The following CYP3A43 variants were observed in gnomAD, a reference collection of about 807,000 sequenced individuals.
CYP3A43 encodes cytochrome P450 family 3 subfamily A member 43, also known as cytochrome P450 3A43.
A neutral mutation model predicts 58.0 loss-of-function variants in CYP3A43; 45 were observed. The observed-to-expected ratio is 0.78, with a 90% CI of 0.61 to 0.99. CYP3A43 has a LOEUF of 0.99. CYP3A43 is among the 50% of genes least tolerant of loss of function. The pLI, the probability that CYP3A43 is intolerant of heterozygous loss-of-function variation, is 0.00. For missense variants in CYP3A43, 593 were observed against 591.9 expected, an observed-to-expected ratio of 1.00 and a Z score of -0.02; for synonymous variants, 191 against 201.4, an observed-to-expected ratio of 0.95 and a Z score of 0.44.
chr7:99,828,860 C>A (rs1484017562), intron 1 of CYP3A43, among the ~76,000 whole-genome samples: 1 of 152,142 alleles, frequency 6.6e-6, no homozygotes, highest in East Asian at 1.9e-4. Flanking sequence ...TGTCTTGAGC[C>A]TCTCCAAATA....
intron 9 of CYP3A43, among the ~76,000 whole-genome samples, chr7:99,858,660 G>GTATTATTAT (rs150747464): frequency 9.1e-5 from 13 of 142,264 alleles, no homozygotes; most frequent in East Asian, 2.1e-4. Flanking sequence ...TCTTCCTGCT[G>GTATTATTAT]TATTATTATT....
chr7:99,842,722 T>A (rs1817384242), intron 3 of CYP3A43, among the ~76,000 whole-genome samples: 1 of 152,230 alleles, frequency 6.6e-6, no homozygotes, highest in South Asian at 2.1e-4. Flanking sequence ...TTAGTTCAAA[T>A]CATATAGCTG....
chr7:99,833,954 G>A (rs1480685615), intron 1 of CYP3A43, among the ~76,000 whole-genome samples: 1 of 152,168 alleles, frequency 6.6e-6, no homozygotes, highest in Non-Finnish European at 1.5e-5. Context: ...CTCCAAATAA[G>A]GAATCCAGGG....
intron 7 of CYP3A43, among the ~76,000 whole-genome samples, chr7:99,853,370 A>T (rs1030142794): frequency 6.6e-6 from 1 of 152,208 alleles, no homozygotes; most frequent in African/African-American, 2.4e-5. Flanking sequence ...TATCTAATTT[A>T]TACAATTGTT....
At chr7:99,830,236 G>A (rs1178140160) in intron 1 of CYP3A43, among the ~76,000 whole-genome samples, 5 of 152,140 alleles carry the variant, frequency 3.3e-5, no homozygotes, top group Non-Finnish European at 7.3e-5. Flanking sequence ...ATCTTAGCAG[G>A]GCCAGGCATG....
chr7:99,829,211 C>T (rs1816743742), intron 1 of CYP3A43, among the ~76,000 whole-genome samples: 1 of 152,184 alleles, frequency 6.6e-6, no homozygotes, highest in African/African-American at 2.4e-5. Context: ...CAACAGAGCC[C>T]ATTCATCAAG....
At chr7:99,846,387 C>A (rs945861128) in intron 4 of CYP3A43, among the ~76,000 whole-genome samples, 1 of 152,134 alleles carries the variant, frequency 6.6e-6, no homozygotes, top group Non-Finnish European at 1.5e-5. Flanking sequence ...TTCAGATAGT[C>A]ATTGTTATGG....
intron 1 of CYP3A43, among the ~76,000 whole-genome samples, chr7:99,830,510 C>T (rs964429139): frequency 6.6e-6 from 1 of 151,494 alleles, no homozygotes; most frequent in Non-Finnish European, 1.5e-5. Context: ...AAGAGCAAAA[C>T]TTAGTCTAAA....
Position 99,855,793 on chromosome 7 carries a change from G to C in CYP3A43, c.798+75G>C. 4 of 1,465,826 alleles carry C rather than the reference G, an allele frequency of 2.7e-6. No individual in the cohort carries two copies. In the East Asian group the frequency reaches 7.5e-5, roughly 27 times the overall value. The allele number at this position is 1,465,826 out of a possible 1,614,324, so 90.8% of individuals were successfully genotyped here. Reference sequence around the variant, plus strand: ...TTTGGGCTGTTTACATACGATTTGTGCACTTATCTGTGTTTTTTAAAGGCA... The same window carrying C: ...TTTGGGCTGTTTACATACGATTTGTCCACTTATCTGTGTTTTTTAAAGGCA... On this transcript the variant is annotated intron_variant, in intron 8 of 12. Transcript: ENST00000354829.
In CYP3A43 at chr7:99,844,125, C is replaced by T. The variant is rs757580967; in HGVS notation, c.219-18C>T. 1 of 1,601,770 alleles carries T rather than the reference C, an allele frequency of 6.2e-7. No homozygotes were observed. Among genetic ancestry groups the T allele is most frequent in the Non-Finnish European group, 8.5e-7 (1 of 1,174,038 alleles). ...TCAGGCAAGCGAGGTTTAGTCAGCT[C>T]TGTTTTCCCCCACACAGGCTGTATG... On this transcript the variant is annotated intron_variant, in intron 3 of 12. Transcript: ENST00000354829.
intron 7 of CYP3A43, among the ~76,000 whole-genome samples, chr7:99,854,235 T>A (rs1454565411): frequency 6.6e-6 from 1 of 151,684 alleles, no homozygotes; most frequent in Non-Finnish European, 1.5e-5. Context: ...ATAATTTTTT[T>A]TTTTTTTTGA....
intron 1 of CYP3A43, among the ~76,000 whole-genome samples, chr7:99,835,216 C>T (rs898270658): frequency 2.6e-5 from 4 of 152,136 alleles, no homozygotes; most frequent in African/African-American, 9.7e-5. Flanking sequence ...TAAAGGATTG[C>T]ATGTCTTTGT....
intron 4 of CYP3A43, among the ~76,000 whole-genome samples, chr7:99,845,894 C>A (rs1817527256): frequency 6.6e-6 from 1 of 151,748 alleles, no homozygotes; most frequent in South Asian, 2.1e-4. Context: ...TCCTGCCTCA[C>A]CCTCCCAAGC....
chr7:99,849,623 A>G lies in CYP3A43; in HGVS notation c.599A>G (p.Gln200Arg), dbSNP rs2151609749. Reference sequence around the variant, plus strand: ...AACTTGGATTCTCTCAACAATCCACAAGATCCCTTTCTGAAAAATATGAAG... The same window carrying G: ...AACTTGGATTCTCTCAACAATCCACGAGATCCCTTTCTGAAAAATATGAAG... ...GVNLDSLNNP[Q>R]DPFLKNMKKL... The change falls in exon 7 of 13, where the codon CAA becomes CGA. Residue 200 changes from glutamine (Q) to arginine (R), a missense_variant. Coordinates refer to ENST00000354829, the MANE Select transcript of CYP3A43 (RefSeq NM_057095.3). 1 of 1,613,208 alleles carries G rather than the reference A, an allele frequency of 6.2e-7. No homozygotes were observed. The highest frequency in any genetic ancestry group is 2.2e-5 in the East Asian group (1 of 44,886).
At chr7:99,839,340 A>T (rs887551813) in intron 3 of CYP3A43, 168 bp downstream of exon 3, 17 of 817,804 alleles carry the variant, frequency 2.1e-5, no homozygotes, top group African/African-American at 3.4e-5. Context: ...GGAATTGAGC[A>T]TTGCAAGGGG....
In CYP3A43 at chr7:99,859,920, A is replaced by G; in HGVS notation, c.956A>G (p.Tyr319Cys). ...AGCACCACTCTCCCCTTCATTATGT[A>G]TGAACTGGCCACTCACCCTGATGTC... is the stretch of plus-strand genomic sequence containing the variant. ...TTSTTLPFIMYELATHPDVQQ... is the reference protein window; with the variant it reads ...TTSTTLPFIMCELATHPDVQQ... Residue 319 changes from tyrosine (Y) to cysteine (C), a missense_variant, in exon 10 of 13, where the codon TAT becomes TGT. Transcript: ENST00000354829. 6.2e-7 allele frequency: 1 copy of G among 1,613,962 alleles called. No individual in the cohort carries two copies. The highest frequency in any genetic ancestry group is 1.1e-5 in the South Asian group (1 of 91,026).
intron 1 of CYP3A43, 49 bp from the exon 2 acceptor site, chr7:99,836,404 T>C (rs1299392400): frequency 6.7e-7 from 1 of 1,496,530 alleles, no homozygotes; most frequent in Admixed American, 1.7e-5. Flanking sequence ...CAACCCCTTA[T>C]CTATAAAGTT....
At chr7:99,844,808 C>A (rs554188558) in intron 4 of CYP3A43, among the ~76,000 whole-genome samples, 1 of 152,226 alleles carries the variant, frequency 6.6e-6, no homozygotes, top group South Asian at 2.1e-4. Context: ...CGGTGGCTCA[C>A]GCCTATAATC....
In CYP3A43 at chr7:99,846,425, T is replaced by A. The variant is rs572047533; in HGVS notation, c.319-1063T>A. On this transcript the variant is annotated intron_variant, in intron 4 of 12. Transcript: ENST00000354829. Reference sequence around the variant, plus strand: ...TAGAAATGTGATTGATTTTTGCATGTTGATCTTGTGTTCTACACCCTTGCT... The same window carrying A: ...TAGAAATGTGATTGATTTTTGCATGATGATCTTGTGTTCTACACCCTTGCT... 5.9e-5 allele frequency among the ~76,000 whole-genome samples: 9 copies of A among 152,354 alleles called. No individual in the cohort carries two copies. In the East Asian group the frequency reaches 1.7e-3, roughly 29 times the overall value.
Sources: gnomAD v4.1 joint callset for allele counts (sites outside exome capture counted in the v4.1 genomes callset) on GRCh38, gnomAD v4.1.1 for gene constraint, MANE v1.5 for transcripts, NCBI Gene and HGNC (gene_info 2026-07-23, HGNC 2026-07-21) for gene names.